PARP12: variants seen among roughly 807,000 people sequenced by gnomAD.
PARP12 encodes the protein protein mono-ADP-ribosyltransferase PARP12.
PARP12 carries 59 observed loss-of-function variants against 72.4 expected under a neutral mutation model. That is an observed-to-expected ratio of 0.81 (90% confidence interval 0.66 to 1.01). The LOEUF (loss-of-function observed/expected upper bound fraction) is 1.01. Ranked by LOEUF, PARP12 falls within the 50% of genes least tolerant of loss-of-function variation. The pLI, the probability that PARP12 is intolerant of heterozygous loss-of-function variation, is 0.00. For synonymous variants in PARP12, 403 were observed against 371.4 expected (o/e 1.09, Z -0.98); for missense variants, 851 against 914.0 (o/e 0.93, Z 0.89).
chr7:140,048,802 C>A (rs1307622644), intron 4 of PARP12, among the ~76,000 whole-genome samples: 3 of 152,086 alleles, frequency 2.0e-5, no homozygotes, highest in Admixed American at 6.5e-5. Context: ...GCCATGCTAG[C>A]GTGCCTGTGT....
intron 2 of PARP12, 60 bp from the exon 3 acceptor site, chr7:140,057,213 C>T (rs1202253792): frequency 4.0e-6 from 6 of 1,492,486 alleles, no homozygotes; most frequent in Non-Finnish European, 5.5e-6. Context: ...CACCACCTCC[C>T]CAGTGGCCAG....
At chr7:140,042,553 A>G (rs1816525598) in intron 5 of PARP12, among the ~76,000 whole-genome samples, 1 of 152,242 alleles carries the variant, frequency 6.6e-6, no homozygotes, top group South Asian at 2.1e-4. Flanking sequence ...GCAAAAGGGA[A>G]GCAGGAAACA....
chr7:140,044,136 G>A (rs1192787947), intron 5 of PARP12, among the ~76,000 whole-genome samples: 2 of 152,130 alleles, frequency 1.3e-5, no homozygotes, highest in East Asian at 3.9e-4. Context: ...AGATTTTAGT[G>A]AAACTGCACA....
At chr7:140,039,322 A>T (rs1249011088) in intron 6 of PARP12, among the ~76,000 whole-genome samples, 1 of 152,240 alleles carries the variant, frequency 6.6e-6, no homozygotes, top group Admixed American at 6.5e-5. Flanking sequence ...GAGAAGCAGC[A>T]GTCAGATGCA....
intron 11 of PARP12, chr7:140,025,119 A>C (rs1815681994): frequency 3.6e-6 from 2 of 547,980 alleles, no homozygotes; most frequent in African/African-American, 3.8e-5. Flanking sequence ...CTGAGATAGC[A>C]AATTCCTTTC....
chr7:140,061,281 C>G (rs976889969), intron 1 of PARP12, among the ~76,000 whole-genome samples: 1 of 152,170 alleles, frequency 6.6e-6, no homozygotes, highest in African/African-American at 2.4e-5. Context: ...TTTCGATCAG[C>G]CCCCTCGAAC....
At chr7:140,034,086 T>G in intron 8 of PARP12, 149 bp downstream of exon 8, 1 of 1,347,034 alleles carries the variant, frequency 7.4e-7, no homozygotes, top group Non-Finnish European at 9.6e-7. Context: ...GTCCAACTAG[T>G]AGAAGACAAA....
chr7:140,062,890 C>T lies in PARP12; in HGVS notation c.-43G>A, dbSNP rs1817535824. On this transcript the variant is annotated 5_prime_UTR_variant, in exon 1 of 12. Transcript: ENST00000263549. ...CCGTCGGACCGCGGGTGGCGCGACG[C>T]GGACGGCGGCGGACGCTGGCTGGCG... The T allele has an allele frequency of 1.6e-6, 2 of 1,222,768 alleles. No homozygotes were observed. The highest frequency in any genetic ancestry group is 1.0e-6 in the Non-Finnish European group (1 of 980,038). The allele number at this position is 1,222,768 out of a possible 1,614,324, so 75.7% of individuals were successfully genotyped here.
chr7:140,033,088 G>T, intron 8 of PARP12: 1 of 677,130 alleles, frequency 1.5e-6, no homozygotes, highest in Non-Finnish European at 1.8e-6. Flanking sequence ...GAGTAGCTGG[G>T]ACTACAGGCG....
At position 140,049,745 on chromosome 7, in the gene PARP12, C is replaced by T. The variant is rs370190292; in HGVS notation, c.863-2738G>A. On this transcript the variant is annotated intron_variant, in intron 4 of 11. Transcript: ENST00000263549. ...GCTGAGCTATAGACCACACTGTTCA[C>T]AGCTGGAAGGTGCCCAGGACAGGAG... 1.5e-4 allele frequency among the ~76,000 whole-genome samples: 23 copies of T among 152,346 alleles called. No individual in the cohort carries two copies. The East Asian group carries it at 4.4e-3, about 29-fold the overall frequency.
intron 4 of PARP12, among the ~76,000 whole-genome samples, 169 bp from the exon 5 acceptor site, chr7:140,047,176 A>G (rs1816766023): frequency 6.6e-6 from 1 of 152,142 alleles, no homozygotes; most frequent in African/African-American, 2.4e-5. Flanking sequence ...ATACAGAAAC[A>G]CTTTTTGCAT....
rs1313396391 is a variant in PARP12, at chr7:140,062,662, C to A, written c.186G>T (p.Pro62=). ...GCGAGGCGGCCAGCACCACGCGCTC[C>A]GGGGCCGCGGCTGCGCCGCCCGCCC... ...AVRAGGAAAA[P]ERVVLAASPL... Residue 62 remains proline (P), a synonymous_variant, in exon 1 of 12, where the codon CCG becomes CCT. Coordinates refer to ENST00000263549, the MANE Select transcript of PARP12 (RefSeq NM_022750.4). 7.7e-7 allele frequency: 1 copy of A among 1,296,516 alleles called. No individual in the cohort carries two copies. The highest frequency in any genetic ancestry group is 9.8e-7 in the Non-Finnish European group (1 of 1,025,634). 80.3% of individuals were successfully genotyped at this position (1,296,516 alleles called of 1,614,324 possible). A position where few individuals can be genotyped will look rare whatever the true frequency, so the allele number is the denominator to read the frequency against.
In PARP12 at chr7:140,030,598, A is replaced by AATAC. The variant is rs773340591; in HGVS notation, c.1422-1914_1422-1911dup. Among the ~76,000 whole-genome samples the AATAC allele has an allele frequency of 1.2e-4, 17 of 142,400 alleles. No homozygotes were observed. The East Asian group carries it at 2.5e-3, about 21-fold the overall frequency. The allele number at this position is 142,400 out of a possible 152,430, so 93.4% of individuals were successfully genotyped here. A position where few individuals can be genotyped will look rare whatever the true frequency, so the allele number is the denominator to read the frequency against. On this transcript the variant is annotated intron_variant, in intron 8 of 11. Transcript: ENST00000263549. The stretch of plus-strand genomic sequence containing the variant: ...GGGCGACAGTGCGACTCCATCTCAA[A>AATAC]ATACATACATACATACATGCATACA...
In PARP12 at chr7:140,024,479, TTC is replaced by T. The variant is rs760533377; in HGVS notation, c.*79_*80del. On this transcript the variant is annotated 3_prime_UTR_variant, in exon 12 of 12. Transcript: ENST00000263549. ...GTTAAGAGAACAGTTCATTAAAAGT[TTC>T]TGTTTAAAAAGAAAAGGAAAGGCCC... The T allele has an allele frequency of 2.2e-6, 3 of 1,373,338 alleles. No individual in the cohort carries two copies. Among genetic ancestry groups the T allele is most frequent in the Non-Finnish European group, 3.1e-6 (3 of 977,352 alleles). The allele number at this position is 1,373,338 out of a possible 1,614,324, so 85.1% of individuals were successfully genotyped here.
chr7:140,028,502 T>C lies in PARP12; in HGVS notation c.1497+111A>G, dbSNP rs1815819977. The C allele has an allele frequency of 3.1e-6, 3 of 955,700 alleles. No individual in the cohort carries two copies. In the African/African-American group the frequency reaches 5.2e-5, roughly 16 times the overall value. 59.2% of individuals were successfully genotyped at this position (955,700 alleles called of 1,614,324 possible). On this transcript the variant is annotated intron_variant, in intron 9 of 11. Coordinates refer to ENST00000263549, the MANE Select transcript of PARP12 (RefSeq NM_022750.4). ...TCTGTCACTGCCCTCCTGCCCCAAT[T>C]AGCCCCAGCCTTACAGCTTCTTCAG...
At chr7:140,028,500 A>G in intron 9 of PARP12, 113 bp downstream of exon 9, 3 of 954,068 alleles carry the variant, frequency 3.1e-6, no homozygotes, top group Non-Finnish European at 4.5e-6. Flanking sequence ...TCCTGCCCCA[A>G]TTAGCCCCAG....
At chr7:140,059,290 C>G (rs1215692488) in intron 1 of PARP12, among the ~76,000 whole-genome samples, 1 of 152,044 alleles carries the variant, frequency 6.6e-6, no homozygotes, top group East Asian at 1.9e-4. Context: ...AAGCAGTTAG[C>G]CACAGGCTGA....
At chr7:140,054,050 G>A (rs751752895) in intron 4 of PARP12, among the ~76,000 whole-genome samples, 1 of 152,100 alleles carries the variant, frequency 6.6e-6, no homozygotes, top group African/African-American at 2.4e-5. Context: ...TTGTCAAGGG[G>A]AGTCACCAAA....
At chr7:140,047,033 G>A in intron 4 of PARP12, 26 bp from the exon 5 acceptor site, 1 of 1,599,570 alleles carries the variant, frequency 6.3e-7, no homozygotes, top group Non-Finnish European at 8.5e-7. Context: ...AAAGGAGTAA[G>A]ATAGCTGGGC....
Sources: allele counts gnomAD v4.1 joint callset (sites outside exome capture counted in the v4.1 genomes callset), GRCh38; gene constraint gnomAD v4.1.1; transcripts MANE v1.5; gene names NCBI Gene and HGNC (gene_info 2026-07-23, HGNC 2026-07-21).